ARID1B: variants seen among roughly 807,000 people sequenced by gnomAD.
ARID1B encodes AT-rich interaction domain 1B, also known as AT-rich interactive domain-containing protein 1B.
ARID1B carries 30 observed loss-of-function variants against 212.3 expected under a neutral mutation model. The observed-to-expected ratio is 0.14, with a 90% CI of 0.11 to 0.19. The LOEUF is 0.19. ARID1B is among the 10% of genes least tolerant of loss of function. The pLI is 1.00. For missense variants in ARID1B, 2,891 were observed against 3,204.0 expected (o/e 0.90, Z 2.36); for synonymous variants, 1,402 against 1,301.7 (o/e 1.08, Z -1.66).
intron 1 of ARID1B, among the ~76,000 whole-genome samples, chr6:156,783,895 G>A (rs1779453411): frequency 6.6e-6 from 1 of 152,154 alleles, no homozygotes; most frequent in East Asian, 1.9e-4. Flanking sequence ...TATTTCACTC[G>A]TGTCACTTTT....
chr6:157,092,116 A>G (rs1785320282), intron 5 of ARID1B, among the ~76,000 whole-genome samples: 1 of 152,266 alleles, frequency 6.6e-6, no homozygotes, highest in Non-Finnish European at 1.5e-5. Context: ...CCAATTCAGC[A>G]GTTCTACAAA....
intron 2 of ARID1B, among the ~76,000 whole-genome samples, chr6:156,838,912 A>T (rs112488848): frequency 1.3e-3 from 196 of 151,898 alleles, no homozygotes; most frequent in Non-Finnish European, 2.3e-3. Context: ...CCTTTTTTTC[A>T]ATTAGTATAT....
chr6:157,134,938 C>T (rs1332416227), intron 7 of ARID1B, among the ~76,000 whole-genome samples: 3 of 152,072 alleles, frequency 2.0e-5, no homozygotes, highest in African/African-American at 7.2e-5. Context: ...TGTCTCCATA[C>T]TCTCAAGTAA....
intron 15 of ARID1B, among the ~76,000 whole-genome samples, chr6:157,191,938 A>G (rs971034574): frequency 6.6e-6 from 1 of 152,232 alleles, no homozygotes; most frequent in Admixed American, 6.5e-5. Flanking sequence ...CCAATGAAAA[A>G]GAACAATGGA....
intron 4 of ARID1B, among the ~76,000 whole-genome samples, chr6:156,951,892 A>G (rs1271023561): frequency 6.6e-6 from 1 of 152,206 alleles, no homozygotes; most frequent in Non-Finnish European, 1.5e-5. Context: ...AAGTGGTTTC[A>G]TGTTTGGGAA....
chr6:157,206,769 C>T lies in ARID1B; in HGVS notation c.5997C>T (p.Thr1999=), dbSNP rs754539925. 26 of 1,613,662 alleles carry T rather than the reference C, an allele frequency of 1.6e-5. No homozygotes were observed. Among genetic ancestry groups the T allele is most frequent in the Admixed American group, 3.3e-5 (2 of 60,030 alleles). Residue 1999 remains threonine (T), a synonymous_variant, in exon 20 of 20, where the codon ACC becomes ACT. Coordinates refer to ENST00000636930, the MANE Select transcript of ARID1B (RefSeq NM_001374828.1). The surrounding 1 kb of genome is among the most constrained non-coding windows in gnomAD (Gnocchi z 6.8). ...EEQQEKSIIA[T]IDDVLSARPG... is the part of the protein sequence containing the mutation. ...AGCAAGAGAAAAGCATCATAGCAAC[C>T]ATCGATGACGTCCTCTCTGCTCGGC...
intron 4 of ARID1B, among the ~76,000 whole-genome samples, chr6:156,974,679 T>C (rs1777119510): frequency 6.6e-6 from 1 of 152,226 alleles, no homozygotes; most frequent in South Asian, 2.1e-4. Flanking sequence ...TTTAACTCAG[T>C]GAGAAGCATC....
rs755539131 is a variant in ARID1B at position 157,167,057 on chromosome 6, G to A, written c.3107G>A (p.Gly1036Asp). 1 of 1,611,794 alleles carries A rather than the reference G, an allele frequency of 6.2e-7. No homozygotes were observed. The highest frequency in any genetic ancestry group is 1.7e-5 in the Admixed American group (1 of 60,020). ...SAQSRQGSFPGMNQSGLMASS... is the reference protein window; with the variant it reads ...SAQSRQGSFPDMNQSGLMASS... ...TCCTGTAGGCAAGGCAGTTTCCCCG[G>A]CATGAACCAGAGTGGACTTATGGCT... Residue 1036 changes from glycine to aspartate, a missense_variant, in exon 9 of 20, where the codon GGC becomes GAC. Gly to Asp is a moderately conservative substitution (Grantham distance 94, BLOSUM62 -1). Transcript: ENST00000636930.
At chr6:156,832,350 A>G (rs1051039024) in intron 2 of ARID1B, among the ~76,000 whole-genome samples, 4 of 152,228 alleles carry the variant, frequency 2.6e-5, no homozygotes, top group African/African-American at 9.6e-5. Flanking sequence ...TAATTGGCTA[A>G]GCATTGTTGT....
In ARID1B at chr6:156,827,754, C is replaced by CTTTT. The variant is rs532857305; in HGVS notation, c.1792-1447_1792-1444dup. Reference sequence around the variant, plus strand: ...GTTATTCCCCTTTATCCTGGTAATTCTTTTTTTTTTTTTTTTTTTTTTTTT... The same window carrying CTTTT: ...GTTATTCCCCTTTATCCTGGTAATTCTTTTTTTTTTTTTTTTTTTTTTTTTTTTT... On this transcript the variant is annotated intron_variant, in intron 1 of 19. Coordinates refer to ENST00000636930, the MANE Select transcript of ARID1B (RefSeq NM_001374828.1). Among the ~76,000 whole-genome samples, 20 of 68,460 alleles carry CTTTT rather than the reference C, an allele frequency of 2.9e-4. 1 individual carries two copies. Among genetic ancestry groups the CTTTT allele is most frequent in the African/African-American group, 3.3e-4 (7 of 20,944 alleles). 44.9% of individuals were successfully genotyped at this position (68,460 alleles called of 152,430 possible).
At position 156,934,929 on chromosome 6, in the gene ARID1B, T is replaced by G. The variant is rs1191355102; in HGVS notation, c.2137-537T>G. 4.2e-5 allele frequency among the ~76,000 whole-genome samples: 3 copies of G among 71,048 alleles called. No homozygotes were observed. The East Asian group carries it at 9.4e-4, about 22-fold the overall frequency. The allele number at this position is 71,048 out of a possible 152,430, so 46.6% of individuals were successfully genotyped here. A position where few individuals can be genotyped will look rare whatever the true frequency, so the allele number is the denominator to read the frequency against. On this transcript the variant is annotated intron_variant, in intron 3 of 19. Transcript: ENST00000636930. ...GTTGTTAATTATATATATATATATATATATATATATATATATATATATATA... is the reference window on the plus strand; with the variant it reads ...GTTGTTAATTATATATATATATATAGATATATATATATATATATATATATA...
intron 1 of ARID1B, among the ~76,000 whole-genome samples, chr6:156,797,751 C>T (rs1253182656): frequency 6.6e-6 from 1 of 152,176 alleles, no homozygotes; most frequent in Non-Finnish European, 1.5e-5. Flanking sequence ...GAGGGATGTG[C>T]AGTTGAGGCG....
At chr6:157,038,524 TAATA>T (rs1347349442) in intron 4 of ARID1B, among the ~76,000 whole-genome samples, 1 of 152,186 alleles carries the variant, frequency 6.6e-6, no homozygotes, top group African/African-American at 2.4e-5. Flanking sequence ...AAAATTAAAT[TAATA>T]CTTTATAAAT....
At chr6:157,137,323 A>AC (rs1788998246) in intron 7 of ARID1B, among the ~76,000 whole-genome samples, 1 of 152,258 alleles carries the variant, frequency 6.6e-6, no homozygotes, top group South Asian at 2.1e-4. Context: ...ATATTTTATG[A>AC]AATAGCACTT....
intron 4 of ARID1B, among the ~76,000 whole-genome samples, chr6:156,971,295 A>G (rs1001996893): frequency 3.3e-5 from 5 of 152,228 alleles, no homozygotes; most frequent in African/African-American, 7.2e-5. Flanking sequence ...ACATGAACCA[A>G]TTGAACAAAG....
At chr6:156,913,539 A>G (rs1790083753) in intron 3 of ARID1B, among the ~76,000 whole-genome samples, 1 of 152,010 alleles carries the variant, frequency 6.6e-6, no homozygotes, top group Non-Finnish European at 1.5e-5. Context: ...AATACAATAT[A>G]TTATTAACTA....
At chr6:156,908,446 C>T (rs572853909) in intron 3 of ARID1B, among the ~76,000 whole-genome samples, 1 of 152,178 alleles carries the variant, frequency 6.6e-6, no homozygotes, top group East Asian at 1.9e-4. Context: ...AAAACCATTT[C>T]CAAAGTGACT....
At chr6:156,831,013 T>A (rs1439442012) in intron 2 of ARID1B, among the ~76,000 whole-genome samples, 2 of 152,228 alleles carry the variant, frequency 1.3e-5, no homozygotes, top group Non-Finnish European at 2.9e-5. Flanking sequence ...ATTGTACTTT[T>A]AATTTTTTCC....
intron 6 of ARID1B, among the ~76,000 whole-genome samples, chr6:157,114,021 A>G (rs746779184): frequency 1.4e-4 from 21 of 152,340 alleles, no homozygotes; most frequent in Non-Finnish European, 2.8e-4. Flanking sequence ...TTGTTGGACC[A>G]TCATTTGGTA....
Sources: allele counts gnomAD v4.1 joint callset (sites outside exome capture counted in the v4.1 genomes callset), GRCh38; gene constraint gnomAD v4.1.1; non-coding constraint Gnocchi (gnomAD v3.1); transcripts MANE v1.5; gene names NCBI Gene and HGNC (gene_info 2026-07-23, HGNC 2026-07-21).